Variants in PCDH15 observed in about 807,000 individuals in gnomAD.
PCDH15 encodes protocadherin-15.
PCDH15 carries 129 observed loss-of-function variants against 178.5 expected under a neutral mutation model. The ratio of observed to expected loss-of-function variants is 0.72; its 90% CI spans 0.63 to 0.84. The LOEUF (loss-of-function observed/expected upper bound fraction) is 0.84, where lower values mean the gene tolerates loss of function less well. Among genes scored for constraint, PCDH15 ranks in the 40% least tolerant of loss-of-function variants. The probability of loss-of-function intolerance (pLI) is 0.00; values close to 1 mark genes in which losing one functional copy is unlikely to be tolerated. For synonymous variants in PCDH15, 800 were observed against 732.0 expected, an observed-to-expected ratio of 1.09 and a Z score of -1.50; for missense variants, 2,230 against 2,099.9, an observed-to-expected ratio of 1.06 and a Z score of -1.21.
chr10:55,229,213 G>C (rs1841143297), intron 1 of PCDH15, among the ~76,000 whole-genome samples: 1 of 151,340 alleles, frequency 6.6e-6, no homozygotes, highest in Non-Finnish European at 1.5e-5. Flanking sequence ...TCTTCTGAGA[G>C]TAAAAGATAA....
intron 21 of PCDH15, among the ~76,000 whole-genome samples, chr10:53,976,406 T>C (rs982732198): frequency 6.6e-6 from 1 of 152,132 alleles, no homozygotes; most frequent in Non-Finnish European, 1.5e-5. Flanking sequence ...TCCTGAATGT[T>C]CTTTAGAAAT....
chr10:54,553,837 C>T (rs1336139990), intron 2 of PCDH15, among the ~76,000 whole-genome samples: 1 of 152,120 alleles, frequency 6.6e-6, no homozygotes, highest in Non-Finnish European at 1.5e-5. Context: ...ACTTGGAGGC[C>T]TGAAAACACT....
intron 25 of PCDH15, among the ~76,000 whole-genome samples, chr10:53,937,998 T>C (rs373311230): frequency 6.6e-6 from 1 of 152,202 alleles, no homozygotes; most frequent in Non-Finnish European, 1.5e-5. Flanking sequence ...TTGAGTCTTC[T>C]AGATTTTAAA....
intron 29 of PCDH15, among the ~76,000 whole-genome samples, chr10:53,836,965 CT>C: frequency 6.6e-6 from 1 of 152,080 alleles, no homozygotes; most frequent in Admixed American, 6.6e-5. Flanking sequence ...AAATATCTTT[CT>C]AAAAAGATAA....
At position 54,932,594 on chromosome 10, in the gene PCDH15, G is replaced by A. The variant is rs190926040; in HGVS notation, c.-79-35094C>T. Reference sequence around the variant, plus strand: ...GTTTGAGACGGAGTCTCATTTTGTCGCCCAGGAGTACAGTGGTGCCATCTA... The same window carrying A: ...GTTTGAGACGGAGTCTCATTTTGTCACCCAGGAGTACAGTGGTGCCATCTA... On this transcript the variant is annotated intron_variant, in intron 2 of 5. Coordinates refer to the PCDH15 transcript ENST00000458638. 8.6e-4 allele frequency among the ~76,000 whole-genome samples: 131 copies of A among 152,068 alleles called. 1 individual carries two copies. The highest frequency in any genetic ancestry group is 3.4e-3 in the Middle Eastern group (1 of 294).
chr10:54,640,773 T>C (rs184147752), intron 2 of PCDH15, among the ~76,000 whole-genome samples: 1 of 152,228 alleles, frequency 6.6e-6, no homozygotes, highest in Admixed American at 6.5e-5. Context: ...GTGCACTTCT[T>C]CACGATGCCT....
At chr10:55,248,215 C>A (rs1263951122) in intron 1 of PCDH15, among the ~76,000 whole-genome samples, 2 of 151,308 alleles carry the variant, frequency 1.3e-5, no homozygotes, top group Non-Finnish European at 2.9e-5. Context: ...TATACACACA[C>A]AAATATGTAT....
chr10:55,050,848 A>G (rs1841144368), intron 2 of PCDH15, among the ~76,000 whole-genome samples: 1 of 152,082 alleles, frequency 6.6e-6, no homozygotes, highest in African/African-American at 2.4e-5. Context: ...AGAACTTCTC[A>G]TACTGCAAAT....
chr10:55,440,679 A>G (rs2132068245), intron 2 of PCDH15, among the ~76,000 whole-genome samples: 1 of 152,174 alleles, frequency 6.6e-6, no homozygotes, highest in East Asian at 1.9e-4. Context: ...ACTAACTGTA[A>G]CAGAGTCAAG....
rs143090687 is a variant in PCDH15, at chr10:54,079,422, G to A, written c.2000C>T (p.Thr667Met). 5.0e-5 allele frequency: 81 copies of A among 1,613,300 alleles called. No individual in the cohort carries two copies. The highest frequency in any genetic ancestry group is 1.8e-4 in the Admixed American group (11 of 59,972). ...PQRVFNLSET[T>M]GILTLGKALD... is the part of the protein sequence containing the mutation. ...TGCTTTCCCTAAGGTTAGAATCCCC[G>A]TGCTAGTGACAAAACAAACAAACAA... The change falls in exon 17 of 38, where the codon ACG (threonine) becomes ATG (methionine). Residue 667 changes from threonine (T) to methionine (M), a missense_variant and splice_region_variant. Transcript: ENST00000644397.
chr10:54,318,437 A>C (rs1564952076), intron 7 of PCDH15, among the ~76,000 whole-genome samples: 1 of 152,080 alleles, frequency 6.6e-6, no homozygotes, highest in East Asian at 1.9e-4. Flanking sequence ...TCTCTATTGC[A>C]ATAGCTGTGA....
At chr10:54,689,697 G>C (rs1366554034) in intron 1 of PCDH15, among the ~76,000 whole-genome samples, 2 of 152,142 alleles carry the variant, frequency 1.3e-5, no homozygotes, top group Non-Finnish European at 2.9e-5. Flanking sequence ...GCATGACTGT[G>C]TTATACATAG....
At chr10:55,347,236 T>A (rs1223592872) in intron 2 of PCDH15, among the ~76,000 whole-genome samples, 1 of 151,686 alleles carries the variant, frequency 6.6e-6, no homozygotes, top group Non-Finnish European at 1.5e-5. Context: ...AAATAAAAAA[T>A]TTAAGAAAAA....
intron 8 of PCDH15, among the ~76,000 whole-genome samples, chr10:54,286,681 G>C (rs972980641): frequency 1.2e-4 from 18 of 151,908 alleles, no homozygotes; most frequent in Admixed American, 1.2e-3. Context: ...TCTGGAGTGC[G>C]GTAGCACGAT....
chr10:54,652,730 G>A (rs1236844417), intron 2 of PCDH15, among the ~76,000 whole-genome samples: 1 of 152,162 alleles, frequency 6.6e-6, no homozygotes, highest in East Asian at 1.9e-4. Context: ...TGAAAGCCAA[G>A]GAGAGAGGAC....
intron 5 of PCDH15, among the ~76,000 whole-genome samples, chr10:54,351,580 A>G (rs1253625268): frequency 6.6e-6 from 1 of 152,120 alleles, no homozygotes; most frequent in East Asian, 1.9e-4. Context: ...AATATACTAA[A>G]TCCTCTACAA....
intron 2 of PCDH15, among the ~76,000 whole-genome samples, chr10:55,070,396 GT>G (rs1428122207): frequency 6.6e-6 from 1 of 151,612 alleles, no homozygotes; most frequent in Non-Finnish European, 1.5e-5. Flanking sequence ...TTCTTCTAGG[GT>G]TTTTATGGTT....
chr10:54,546,075 T>C (rs1322516700), intron 2 of PCDH15, among the ~76,000 whole-genome samples: 1 of 152,182 alleles, frequency 6.6e-6, no homozygotes, highest in Non-Finnish European at 1.5e-5. Context: ...ATGATGGGGA[T>C]TGTACCTATG....
intron 3 of PCDH15, among the ~76,000 whole-genome samples, chr10:54,878,771 C>T (rs1326232884): frequency 6.6e-6 from 1 of 152,000 alleles, no homozygotes; most frequent in East Asian, 1.9e-4. Context: ...TAACCCATCA[C>T]CCAGGTATTA....
Sources: gnomAD v4.1 joint callset for allele counts (sites outside exome capture counted in the v4.1 genomes callset) on GRCh38, gnomAD v4.1.1 for gene constraint, MANE v1.5 for transcripts, NCBI Gene and HGNC (gene_info 2026-07-23, HGNC 2026-07-21) for gene names.